SLF1: variants seen among roughly 807,000 people sequenced by gnomAD.
SLF1 encodes SMC5-SMC6 complex localization factor protein 1.
A neutral mutation model predicts 123.0 loss-of-function variants in SLF1; 105 were observed. The ratio of observed to expected loss-of-function variants is 0.85; its 90% CI spans 0.73 to 1.00. SLF1 has a LOEUF of 1.00. Among genes scored for constraint, SLF1 ranks in the 50% least tolerant of loss-of-function variants. SLF1 has a pLI of 0.00. For missense variants in SLF1, 1,239 were observed against 1,223.0 expected (o/e 1.01, Z -0.20); for synonymous variants, 434 against 406.6 (o/e 1.07, Z -0.81).
intron 14 of SLF1, among the ~76,000 whole-genome samples, chr5:94,672,145 A>G (rs1194986515): frequency 2.6e-5 from 4 of 152,082 alleles, no homozygotes; most frequent in Non-Finnish European, 5.9e-5. Context: ...TGCTTCATGT[A>G]TGCTAATGAC....
intron 6 of SLF1, among the ~76,000 whole-genome samples, chr5:94,649,879 T>TA (rs1354247231): frequency 7.2e-5 from 11 of 152,142 alleles, no homozygotes; most frequent in Non-Finnish European, 1.6e-4. Flanking sequence ...TTAGGTAACT[T>TA]ACTTATGTTT....
At chr5:94,662,673 G>A (rs417135) in intron 10 of SLF1, among the ~76,000 whole-genome samples, 151,498 of 152,320 alleles carry the variant, frequency 0.99, 75,342 homozygotes, top group East Asian at 1. Context: ...ATTTTTTGGT[G>A]TGATATTTAC....
At chr5:94,685,323 GTTTA>G (rs1481316828) in intron 15 of SLF1, among the ~76,000 whole-genome samples, 1 of 152,088 alleles carries the variant, frequency 6.6e-6, no homozygotes, top group Admixed American at 6.6e-5. Flanking sequence ...CTCTTCTGCT[GTTTA>G]TTATGTTTAC....
intron 14 of SLF1, among the ~76,000 whole-genome samples, chr5:94,671,554 A>G (rs904969324): frequency 7.9e-5 from 12 of 151,742 alleles, no homozygotes; most frequent in African/African-American, 2.7e-4. Context: ...TGCATAATAA[A>G]TATTAGTCAC....
intron 20 of SLF1, among the ~76,000 whole-genome samples, chr5:94,693,299 T>G (rs1320653141): frequency 2.6e-5 from 4 of 151,814 alleles, no homozygotes; most frequent in Non-Finnish European, 5.9e-5. Flanking sequence ...TTCTACCTTG[T>G]TTTTTTTAGT....
intron 1 of SLF1, among the ~76,000 whole-genome samples, chr5:94,624,331 T>C (rs1792045039): frequency 1.3e-5 from 2 of 152,208 alleles, no homozygotes; most frequent in Admixed American, 1.3e-4. Context: ...ATTATGCAGT[T>C]AGTCCTATTT....
At chr5:94,621,134 C>T (rs17083825) in intron 1 of SLF1, among the ~76,000 whole-genome samples, 21,409 of 152,054 alleles carry the variant, frequency 0.14, 1,724 homozygotes, top group East Asian at 0.32. Context: ...TTGTACTGTT[C>T]TTTCACTTAA....
At chr5:94,654,593 T>C (rs1748153701) in intron 8 of SLF1, 37 bp from the exon 9 acceptor site, 5 of 1,484,068 alleles carry the variant, frequency 3.4e-6, no homozygotes, top group Non-Finnish European at 4.5e-6. Context: ...CTGTCTTTAG[T>C]ACATTTTCTA....
Position 94,670,285 on chromosome 5 carries a change from T to A in SLF1, c.1661+6T>A. 5 of 1,461,218 alleles carry A rather than the reference T, an allele frequency of 3.4e-6. No individual in the cohort carries two copies. Among genetic ancestry groups the A allele is most frequent in the Non-Finnish European group, 4.5e-6 (5 of 1,112,008 alleles). 90.5% of individuals were successfully genotyped at this position (1,461,218 alleles called of 1,614,324 possible). A position where few individuals can be genotyped will look rare whatever the true frequency, so the allele number is the denominator to read the frequency against. ...GTACAACATCTGAGTCAAAAGTAAG[T>A]TCTAATCGCAAGAATAACACTTTTC... is the stretch of plus-strand genomic sequence containing the variant. On this transcript the variant is annotated splice_donor_region_variant and intron_variant, in intron 13 of 20. Transcript: ENST00000265140.
At chr5:94,681,621 A>G (rs1272795108) in intron 15 of SLF1, among the ~76,000 whole-genome samples, 7 of 151,634 alleles carry the variant, frequency 4.6e-5, no homozygotes. Flanking sequence ...AGCATTAGGT[A>G]TATCTCCCAA....
chr5:94,649,029 C>T (rs1414846491), intron 5 of SLF1, among the ~76,000 whole-genome samples: 1 of 151,992 alleles, frequency 6.6e-6, no homozygotes, highest in African/African-American at 2.4e-5. Flanking sequence ...TAACCTTTTC[C>T]TCTCTATGTG....
chr5:94,675,484 C>T (rs1334545594), intron 14 of SLF1, among the ~76,000 whole-genome samples: 1 of 152,090 alleles, frequency 6.6e-6, no homozygotes, highest in Non-Finnish European at 1.5e-5. Flanking sequence ...GCTTATATAT[C>T]CACTAATACT....
At chr5:94,621,459 A>C (rs1197326731) in intron 1 of SLF1, among the ~76,000 whole-genome samples, 1 of 152,190 alleles carries the variant, frequency 6.6e-6, no homozygotes, top group Non-Finnish European at 1.5e-5. Flanking sequence ...CTCCATAAAA[A>C]TTAAATCCTG....
intron 14 of SLF1, among the ~76,000 whole-genome samples, chr5:94,671,593 T>C (rs1165633315): frequency 6.6e-6 from 1 of 151,652 alleles, no homozygotes; most frequent in Admixed American, 6.6e-5. Context: ...GATCTCCCTT[T>C]GGAATTATAT....
chr5:94,651,599 A>ATTT (rs1391569431), intron 6 of SLF1, 103 bp from the exon 7 acceptor site: 2 of 940,924 alleles, frequency 2.1e-6, no homozygotes, highest in African/African-American at 3.5e-5. Context: ...TATTTTACAA[A>ATTT]ATCTATGTTC....
intron 11 of SLF1, among the ~76,000 whole-genome samples, 173 bp from the exon 12 acceptor site, chr5:94,665,688 G>T (rs1585183812): frequency 6.6e-6 from 1 of 152,196 alleles, no homozygotes; most frequent in South Asian, 2.1e-4. Context: ...AGGAGGCGGA[G>T]GTTGAGGTAA....
intron 9 of SLF1, among the ~76,000 whole-genome samples, chr5:94,655,093 C>T (rs1748219797): frequency 6.6e-6 from 1 of 152,120 alleles, no homozygotes; most frequent in Non-Finnish European, 1.5e-5. Flanking sequence ...GTCTTTAATT[C>T]ATTTTGAGTT....
intron 12 of SLF1, among the ~76,000 whole-genome samples, chr5:94,669,364 A>G (rs1307934981): frequency 6.6e-6 from 1 of 152,170 alleles, no homozygotes; most frequent in Admixed American, 6.5e-5. Flanking sequence ...ACAGAGGTAG[A>G]AAGTTATAAG....
Position 94,695,415 on chromosome 5 carries a change from A to G in SLF1, c.*103A>G, listed in dbSNP as rs113112487. 1,080 of 1,325,028 alleles carry G rather than the reference A, an allele frequency of 8.2e-4. 10 individuals carry two copies. In the African/African-American group the frequency reaches 0.015, roughly 18 times the overall value. The allele number at this position is 1,325,028 out of a possible 1,614,324, so 82.1% of individuals were successfully genotyped here. Reference sequence around the variant, plus strand: ...TGACAGATAGTAATTTGATTTATTTATTGACAGACTTTGCAGCCTTGCTAA... The same window carrying G: ...TGACAGATAGTAATTTGATTTATTTGTTGACAGACTTTGCAGCCTTGCTAA... On this transcript the variant is annotated 3_prime_UTR_variant, in exon 21 of 21. Coordinates refer to ENST00000265140, the MANE Select transcript of SLF1 (RefSeq NM_032290.4).
Sources: allele counts gnomAD v4.1 joint callset (sites outside exome capture counted in the v4.1 genomes callset), GRCh38; gene constraint gnomAD v4.1.1; transcripts MANE v1.5; gene names NCBI Gene and HGNC (gene_info 2026-07-23, HGNC 2026-07-21).